The following CACNA1E variants were observed in gnomAD, a reference collection of about 807,000 sequenced individuals.
The protein encoded by CACNA1E is voltage-dependent R-type calcium channel subunit alpha-1E.
In CACNA1E, 40 loss-of-function variants were observed where a neutral mutation model predicts 259.2. The ratio of observed to expected loss-of-function variants is 0.15; its 90% CI spans 0.12 to 0.20. The LOEUF (loss-of-function observed/expected upper bound fraction) is 0.20, where lower values mean the gene tolerates loss of function less well. Ranked by LOEUF, CACNA1E falls within the 10% of genes least tolerant of loss-of-function variation. The pLI is 1.00. For missense variants in CACNA1E, 1,874 were observed against 3,040.1 expected, an observed-to-expected ratio of 0.62 and a Z score of 9.02; for synonymous variants, 1,104 against 1,138.5, an observed-to-expected ratio of 0.97 and a Z score of 0.61.
chr1:181,591,957 C>T (rs1652691741), intron 6 of CACNA1E, among the ~76,000 whole-genome samples: 1 of 152,182 alleles, frequency 6.6e-6, no homozygotes, highest in Admixed American at 6.5e-5. Flanking sequence ...CTGTATAAAC[C>T]TGCTCCTCTC....
At chr1:181,789,327 G>A (rs1363252454) in intron 43 of CACNA1E, among the ~76,000 whole-genome samples, 1 of 152,122 alleles carries the variant, frequency 6.6e-6, no homozygotes, top group Non-Finnish European at 1.5e-5. Flanking sequence ...TGGAAGCAAG[G>A]GGACAGATTA....
At chr1:181,440,423 G>GA (rs1660383578) in intron 2 of CACNA1E, among the ~76,000 whole-genome samples, 1 of 151,784 alleles carries the variant, frequency 6.6e-6, no homozygotes, top group African/African-American at 2.4e-5. Flanking sequence ...TCTGGGCAGG[G>GA]TGGCCCAGGG....
chr1:181,369,225 CT>C (rs1654508714), intron 1 of CACNA1E, among the ~76,000 whole-genome samples: 1 of 152,234 alleles, frequency 6.6e-6, no homozygotes, highest in Non-Finnish European at 1.5e-5. Context: ...GAAATTTCCA[CT>C]AATTGAAGCC....
chr1:181,393,947 T>TGTGGGACTGA (rs998741075), intron 1 of CACNA1E, among the ~76,000 whole-genome samples: 4 of 152,218 alleles, frequency 2.6e-5, no homozygotes, highest in African/African-American at 4.8e-5. Context: ...TGTCAGCCAC[T>TGTGGGACTGA]GTGGGACTGA....
chr1:181,589,398 G>A (rs1008368267), intron 6 of CACNA1E, among the ~76,000 whole-genome samples: 1 of 152,214 alleles, frequency 6.6e-6, no homozygotes, highest in Admixed American at 6.5e-5. Context: ...GGGCTCTCAG[G>A]AAGTAGTTAA....
chr1:181,327,715 A>G (rs1650905560), intron 1 of CACNA1E, among the ~76,000 whole-genome samples: 1 of 152,240 alleles, frequency 6.6e-6, no homozygotes, highest in Non-Finnish European at 1.5e-5. Context: ...CAGGACCTAC[A>G]AATCCATGAT....
At chr1:181,622,710 G>A (rs1013175182) in intron 6 of CACNA1E, among the ~76,000 whole-genome samples, 1 of 152,120 alleles carries the variant, frequency 6.6e-6, no homozygotes, top group African/African-American at 2.4e-5. Context: ...GTGAATTTTG[G>A]TGGGAGACAC....
intron 37 of CACNA1E, among the ~76,000 whole-genome samples, chr1:181,773,035 A>AACTAC (rs1266860039): frequency 2.6e-5 from 4 of 152,254 alleles, no homozygotes; most frequent in Non-Finnish European, 5.9e-5. Flanking sequence ...TCCTCAGCTC[A>AACTAC]ACTACACTGC....
At chr1:181,719,488 C>A (rs1436916254) in intron 12 of CACNA1E, among the ~76,000 whole-genome samples, 1 of 152,170 alleles carries the variant, frequency 6.6e-6, no homozygotes, top group Non-Finnish European at 1.5e-5. Context: ...CAGCAACTGG[C>A]TGTTGTAGTT....
At chr1:181,609,996 T>C (rs949433221) in intron 6 of CACNA1E, among the ~76,000 whole-genome samples, 1 of 152,242 alleles carries the variant, frequency 6.6e-6, no homozygotes, top group Non-Finnish European at 1.5e-5. Flanking sequence ...CCCCATCCCA[T>C]GTCTTGTTAT....
intron 1 of CACNA1E, among the ~76,000 whole-genome samples, chr1:181,324,846 C>G (rs563147662): frequency 6.6e-6 from 1 of 152,276 alleles, no homozygotes; most frequent in South Asian, 2.1e-4. Flanking sequence ...GGTTGCTCTT[C>G]TTGCTTTTCA....
chr1:181,455,309 T>C (rs1383980154), intron 2 of CACNA1E, among the ~76,000 whole-genome samples: 2 of 152,034 alleles, frequency 1.3e-5, no homozygotes, highest in African/African-American at 4.8e-5. Flanking sequence ...AGGAGTGGAG[T>C]GCTCAGGGAG....
At chr1:181,476,615 C>T (rs536268208) in intron 2 of CACNA1E, among the ~76,000 whole-genome samples, 1 of 152,194 alleles carries the variant, frequency 6.6e-6, no homozygotes, top group Non-Finnish European at 1.5e-5. Flanking sequence ...TTTGGGCTAG[C>T]CCCTGACATG....
chr1:181,343,427 T>A (rs1652331123), intron 1 of CACNA1E, among the ~76,000 whole-genome samples: 2 of 152,102 alleles, frequency 1.3e-5, no homozygotes, highest in Admixed American at 1.3e-4. Context: ...GTTGTCCAAG[T>A]GACTGTGGCA....
intron 1 of CACNA1E, among the ~76,000 whole-genome samples, chr1:181,355,812 T>C (rs1344899718): frequency 1.3e-5 from 2 of 152,142 alleles, no homozygotes. Context: ...TAAAGCTGAA[T>C]TGATAGGAGG....
At chr1:181,472,048 GAC>G (rs369040391) in intron 2 of CACNA1E, among the ~76,000 whole-genome samples, 9 of 151,970 alleles carry the variant, frequency 5.9e-5, no homozygotes, top group African/African-American at 1.7e-4. Context: ...GGTGTATGTA[GAC>G]ACACACACAC....
intron 32 of CACNA1E, among the ~76,000 whole-genome samples, chr1:181,760,802 A>G (rs1030648969): frequency 6.6e-6 from 1 of 152,182 alleles, no homozygotes; most frequent in Non-Finnish European, 1.5e-5. Context: ...TCTAGTCTAC[A>G]CTGCACTGTA....
At chr1:181,480,903 G>C (rs187015008), upstream of CACNA1E, among the ~76,000 whole-genome samples, 1 of 152,204 alleles carries the variant, frequency 6.6e-6, no homozygotes, top group Non-Finnish European at 1.5e-5. Flanking sequence ...GGGACTCAAA[G>C]ATACTTCTCT....
At chr1:181,449,000 G>A (rs543221149) in intron 2 of CACNA1E, among the ~76,000 whole-genome samples, 1 of 152,372 alleles carries the variant, frequency 6.6e-6, no homozygotes, top group Admixed American at 6.5e-5. Context: ...GGGAGGAGCT[G>A]TGCAGAGAAA....
Sources: gnomAD v4.1 joint callset for allele counts (sites outside exome capture counted in the v4.1 genomes callset) on GRCh38, gnomAD v4.1.1 for gene constraint, MANE v1.5 for transcripts, NCBI Gene and HGNC (gene_info 2026-07-23, HGNC 2026-07-21) for gene names.